CSMD1: variants seen among roughly 807,000 people sequenced by gnomAD.
The protein encoded by CSMD1 is CUB and sushi domain-containing protein 1.
A neutral mutation model predicts 417.5 loss-of-function variants in CSMD1; 213 were observed. The observed-to-expected ratio is 0.51, with a 90% CI of 0.46 to 0.57. The LOEUF (loss-of-function observed/expected upper bound fraction) is 0.57, where lower values mean the gene tolerates loss of function less well. Among genes scored for constraint, CSMD1 ranks in the 20% least tolerant of loss-of-function variants. The pLI is 0.00. For synonymous variants in CSMD1, 2,862 were observed against 1,736.8 expected, an observed-to-expected ratio of 1.65 and a Z score of -16.11; for missense variants, 6,923 against 4,529.7, an observed-to-expected ratio of 1.53 and a Z score of -15.17.
intron 5 of CSMD1, among the ~76,000 whole-genome samples, chr8:3,974,843 AG>A (rs1046438147): frequency 6.6e-6 from 1 of 152,280 alleles, no homozygotes; most frequent in African/African-American, 2.4e-5. Context: ...GTTTTACCAG[AG>A]TAAGATATAA....
At chr8:3,586,981 G>A (rs957829533) in intron 8 of CSMD1, among the ~76,000 whole-genome samples, 1 of 152,214 alleles carries the variant, frequency 6.6e-6, no homozygotes, top group East Asian at 1.9e-4. Flanking sequence ...TGTATTTTTA[G>A]TAGAGACAGA....
At position 3,741,783 on chromosome 8, in the gene CSMD1, T is replaced by A. The variant is rs181875504; in HGVS notation, c.931+12147A>T. 1.8e-4 allele frequency among the ~76,000 whole-genome samples: 27 copies of A among 152,312 alleles called. No homozygotes were observed. The East Asian group carries it at 4.4e-3, about 25-fold the overall frequency. The stretch of plus-strand genomic sequence containing the variant: ...GAATTTATTTGTGGGAATATGCCCA[T>A]TTCTCTATGACCCTCCATGGCCCTT... On this transcript the variant is annotated intron_variant, in intron 6 of 69. Transcript: ENST00000635120.
intron 5 of CSMD1, among the ~76,000 whole-genome samples, chr8:3,777,608 T>C (rs936230016): frequency 3.9e-5 from 6 of 152,194 alleles, no homozygotes; most frequent in African/African-American, 1.4e-4. Flanking sequence ...CAGAATGAGA[T>C]GCCTCCCCCA....
At chr8:4,948,535 G>T (rs906348083) in intron 1 of CSMD1, among the ~76,000 whole-genome samples, 1 of 151,876 alleles carries the variant, frequency 6.6e-6, no homozygotes, top group African/African-American at 2.4e-5. Flanking sequence ...GTGAATACTG[G>T]TTTTGTAAAT....
intron 2 of CSMD1, among the ~76,000 whole-genome samples, chr8:4,423,644 C>T (rs985076276): frequency 1.1e-4 from 16 of 151,914 alleles, no homozygotes; most frequent in Admixed American, 1.1e-3. Context: ...AACTGATACA[C>T]AGGTTTTACA....
chr8:3,606,855 C>A (rs1379458971), intron 8 of CSMD1, among the ~76,000 whole-genome samples: 1 of 151,900 alleles, frequency 6.6e-6, no homozygotes, highest in African/African-American at 2.4e-5. Context: ...GGACTACAGG[C>A]ACCTGCCACC....
chr8:3,340,558 T>C (rs1184815746), intron 23 of CSMD1, among the ~76,000 whole-genome samples: 1 of 152,236 alleles, frequency 6.6e-6, no homozygotes, highest in Non-Finnish European at 1.5e-5. Context: ...TGAAAGTGTC[T>C]TTACACAGTC....
intron 3 of CSMD1, among the ~76,000 whole-genome samples, chr8:4,194,969 G>A (rs1157844195): frequency 6.6e-6 from 1 of 151,752 alleles, no homozygotes; most frequent in Non-Finnish European, 1.5e-5. Flanking sequence ...TATGAGAATG[G>A]ACTATCTAGC....
chr8:3,272,630 T>C (rs1227339260), intron 26 of CSMD1, among the ~76,000 whole-genome samples: 2 of 138,086 alleles, frequency 1.4e-5, no homozygotes, highest in South Asian at 2.4e-4. Context: ...GTAGTTCTCC[T>C]TGAAGAGGTC....
At chr8:4,301,882 G>GATTT (rs34638550) in intron 3 of CSMD1, among the ~76,000 whole-genome samples, 1 of 151,856 alleles carries the variant, frequency 6.6e-6, no homozygotes, top group African/African-American at 2.4e-5. Flanking sequence ...CCATAAATTT[G>GATTT]TTGTTCTCAC....
intron 11 of CSMD1, among the ~76,000 whole-genome samples, chr8:3,479,751 A>T (rs554158468): frequency 6.6e-6 from 1 of 152,324 alleles, no homozygotes; most frequent in East Asian, 1.9e-4. Flanking sequence ...CACGGCTTGA[A>T]TGATGAAAGA....
intron 1 of CSMD1, among the ~76,000 whole-genome samples, chr8:4,990,095 T>C (rs1811382063): frequency 6.6e-6 from 1 of 152,158 alleles, no homozygotes; most frequent in Non-Finnish European, 1.5e-5. Flanking sequence ...GGGGGAATTC[T>C]ACCACCCTGC....
Position 3,406,228 on chromosome 8 carries a change from GAA to G in CSMD1, c.2072-9_2072-8del. 1 of 1,564,576 alleles carries G rather than the reference GAA, an allele frequency of 6.4e-7. No individual in the cohort carries two copies. The highest frequency in any genetic ancestry group is 1.4e-5 in the African/African-American group (1 of 72,542). ...CACTCATTCTGACCAAATGCTGAAA[GAA>G]AAAGAAGAAGAAAAAAGGAATAAAA... is the stretch of plus-strand genomic sequence containing the variant. On this transcript the variant is annotated splice_polypyrimidine_tract_variant and splice_region_variant and intron_variant, in intron 14 of 69. Transcript: ENST00000635120.
chr8:4,251,810 C>G (rs905764), intron 3 of CSMD1, among the ~76,000 whole-genome samples: 27,961 of 143,648 alleles, frequency 0.19, 3,250 homozygotes, highest in East Asian at 0.53. Flanking sequence ...TGGAGAAGGA[C>G]AGATGGAGGA....
intron 3 of CSMD1, among the ~76,000 whole-genome samples, chr8:4,045,154 G>A (rs762406720): frequency 2.6e-5 from 4 of 152,138 alleles, no homozygotes; most frequent in African/African-American, 4.8e-5. Flanking sequence ...CAGCGGCCAC[G>A]CAGTCGTGGG....
At chr8:4,730,945 T>A (rs900326067) in intron 1 of CSMD1, among the ~76,000 whole-genome samples, 3 of 152,082 alleles carry the variant, frequency 2.0e-5, no homozygotes, top group African/African-American at 7.2e-5. Context: ...AGGGCCAGTG[T>A]TCCTGCCTAT....
At chr8:4,632,339 C>T (rs1802569096) in intron 2 of CSMD1, among the ~76,000 whole-genome samples, 1 of 151,990 alleles carries the variant, frequency 6.6e-6, no homozygotes, top group East Asian at 1.9e-4. Flanking sequence ...ATGGTGAAAC[C>T]CCGTCTCTAC....
chr8:4,451,088 G>T lies in CSMD1; in HGVS notation c.303-31023C>A, dbSNP rs140524452. On this transcript the variant is annotated intron_variant, in intron 2 of 69. Transcript: ENST00000635120. ...AATAAGTCAGTCAAGCACTTTGGGA[G>T]GCCAAGGCAGGAGGATTACTCCTGA... 3.7e-3 allele frequency among the ~76,000 whole-genome samples: 558 copies of T among 152,250 alleles called. 6 individuals carry two copies. Among genetic ancestry groups the T allele is most frequent in the African/African-American group, 0.013 (543 of 41,542 alleles).
intron 7 of CSMD1, among the ~76,000 whole-genome samples, chr8:3,656,794 G>C (rs770294825): frequency 5.3e-5 from 8 of 152,194 alleles, no homozygotes; most frequent in South Asian, 2.1e-4. Context: ...GATGTGGTGG[G>C]CATCCCTGTA....
Sources: allele counts gnomAD v4.1 joint callset (sites outside exome capture counted in the v4.1 genomes callset), GRCh38; gene constraint gnomAD v4.1.1; transcripts MANE v1.5; gene names NCBI Gene and HGNC (gene_info 2026-07-23, HGNC 2026-07-21).